The following TENM1 variants were observed in gnomAD, a reference collection of about 807,000 sequenced individuals.
The protein encoded by TENM1 is teneurin transmembrane protein 1, also known as teneurin-1.
Under a neutral mutation model 174.8 loss-of-function variants are expected in TENM1, and 35 were observed. The ratio of observed to expected loss-of-function variants is 0.20; its 90% confidence interval spans 0.15 to 0.27. TENM1 has a LOEUF of 0.27. TENM1 is among the 10% of genes least tolerant of loss of function. The pLI, the probability that TENM1 is intolerant of heterozygous loss-of-function variation, is 1.00. For synonymous variants in TENM1, 781 were observed against 798.7 expected (o/e 0.98, Z 0.37); for missense variants, 1,633 against 2,130.1 (o/e 0.77, Z 4.59).
chrX:125,153,262 T>A, the TENM1 span, among the ~76,000 whole-genome samples: 1 of 111,692 alleles, frequency 9.0e-6, no homozygotes, highest in Non-Finnish European at 1.9e-5. Flanking sequence ...TTTTAAAAAA[T>A]CACTTACTGC....
chrX:124,858,268 C>A (rs1171736670), intron 3 of TENM1, among the ~76,000 whole-genome samples: 2 of 112,133 alleles, frequency 1.8e-5, no homozygotes, highest in Non-Finnish European at 3.8e-5. Flanking sequence ...GACTTTATAT[C>A]TTCCAGACCC....
chrX:124,606,392 C>G (rs1004349992), intron 11 of TENM1, among the ~76,000 whole-genome samples: 1 of 111,185 alleles, frequency 9.0e-6, no homozygotes, highest in African/African-American at 3.3e-5. Flanking sequence ...TTTAAAGATA[C>G]CTAAGTGTTC....
intron 3 of TENM1, among the ~76,000 whole-genome samples, chrX:124,860,926 G>A (rs995860907): frequency 9.0e-6 from 1 of 111,601 alleles, no homozygotes; most frequent in Admixed American, 9.5e-5. Flanking sequence ...CAGCTGCTTA[G>A]AAACGAGAAG....
exon 5 of TENM1, chrX:124,705,198 C>T: frequency 8.3e-7 from 1 of 1,209,901 alleles, no homozygotes. Flanking sequence ...GTAGTTCTGA[C>T]TGGCTGCACT....
intron 11 of TENM1, among the ~76,000 whole-genome samples, chrX:124,609,037 G>A (rs1246993758): frequency 3.6e-5 from 4 of 111,008 alleles, no homozygotes; most frequent in African/African-American, 1.3e-4. Context: ...TCTGGAAATT[G>A]ATACCACTGA....
intron 4 of TENM1, among the ~76,000 whole-genome samples, chrX:124,731,165 T>G (rs1251413946): frequency 1.8e-5 from 2 of 111,026 alleles, no homozygotes; most frequent in African/African-American, 6.5e-5. Context: ...AGAAAAAAAC[T>G]GCTAAAGATG....
the TENM1 span, among the ~76,000 whole-genome samples, chrX:125,108,045 A>G: frequency 8.9e-6 from 1 of 111,799 alleles, no homozygotes; most frequent in Non-Finnish European, 1.9e-5. Context: ...TAATGCTCCC[A>G]CTACCACTCT....
At chrX:124,378,931 C>G (rs2060128490) in exon 32 of TENM1, 1 of 112,599 alleles carries the variant, frequency 8.9e-6, no homozygotes, top group Non-Finnish European at 1.9e-5. Flanking sequence ...AGCAAATGTT[C>G]AGATTCGGTG....
chrX:125,109,435 C>T, the TENM1 span, among the ~76,000 whole-genome samples: 66 of 110,299 alleles, frequency 6.0e-4, no homozygotes, highest in African/African-American at 2.0e-3. Flanking sequence ...TATAGGTAAA[C>T]GTGTGCCATG....
chrX:124,435,766 G>T (rs2060830261), intron 23 of TENM1, among the ~76,000 whole-genome samples: 1 of 111,533 alleles, frequency 9.0e-6, no homozygotes, highest in Non-Finnish European at 1.9e-5. Context: ...CCACTTCCCT[G>T]TGTGTAATAC....
At chrX:124,507,653 G>A (rs1161445306) in intron 18 of TENM1, among the ~76,000 whole-genome samples, 1 of 112,087 alleles carries the variant, frequency 8.9e-6, no homozygotes, top group Non-Finnish European at 1.9e-5. Context: ...GGGATGGCAA[G>A]AAGGCTGAGG....
At chrX:124,981,423 C>T in the TENM1 span, among the ~76,000 whole-genome samples, 1 of 111,669 alleles carries the variant, frequency 9.0e-6, no homozygotes, top group Admixed American at 9.6e-5. Context: ...CACCCGAGAG[C>T]CATGTGCAGG....
chrX:124,996,549 C>CA, the TENM1 span, among the ~76,000 whole-genome samples: 3 of 96,145 alleles, frequency 3.1e-5, no homozygotes, highest in Non-Finnish European at 6.4e-5. Context: ...AAAAAAAAAA[C>CA]CACACACACA....
At chrX:125,046,335 T>TATTAAG in the TENM1 span, among the ~76,000 whole-genome samples, 2 of 112,522 alleles carry the variant, frequency 1.8e-5, no homozygotes, top group Non-Finnish European at 3.8e-5. Context: ...AGACATGAGA[T>TATTAAG]ATCTTAGATG....
intron 5 of TENM1, among the ~76,000 whole-genome samples, chrX:124,679,487 T>A (rs1388531348): frequency 3.6e-5 from 4 of 112,079 alleles, no homozygotes; most frequent in Non-Finnish European, 7.5e-5. Flanking sequence ...GTGGCCATGA[T>A]GTGAGACTAG....
the TENM1 span, among the ~76,000 whole-genome samples, chrX:124,997,222 G>A: frequency 8.9e-6 from 1 of 111,879 alleles, no homozygotes; most frequent in South Asian, 3.7e-4. Flanking sequence ...TTCCTCCAAA[G>A]CACAGCTTTA....
chrX:124,421,477 C>T (rs1002592403), intron 24 of TENM1, among the ~76,000 whole-genome samples: 1 of 112,053 alleles, frequency 8.9e-6, no homozygotes, highest in Non-Finnish European at 1.9e-5. Context: ...GAGAACCATT[C>T]GGGCCTGGAT....
chrX:124,811,896 C>G (rs752795356), intron 3 of TENM1, among the ~76,000 whole-genome samples: 1 of 110,857 alleles, frequency 9.0e-6, no homozygotes, highest in Non-Finnish European at 1.9e-5. Flanking sequence ...TTATGTTAAA[C>G]GAAATGTGTG....
At chrX:125,052,055 G>T in the TENM1 span, among the ~76,000 whole-genome samples, 1 of 111,583 alleles carries the variant, frequency 9.0e-6, no homozygotes, top group Non-Finnish European at 1.9e-5. Context: ...GACACTTCTC[G>T]AAAGAAGACA....
Sources: allele counts gnomAD v4.1 joint callset (sites outside exome capture counted in the v4.1 genomes callset), GRCh38; gene constraint gnomAD v4.1.1; transcripts MANE v1.5; gene names NCBI Gene and HGNC (gene_info 2026-07-23, HGNC 2026-07-21).